SUGCT: variants seen among roughly 807,000 people sequenced by gnomAD.
The protein encoded by SUGCT is succinyl-CoA:glutarate CoA-transferase.
In SUGCT, 41 loss-of-function variants were observed where a neutral mutation model predicts 55.0. That is an observed-to-expected ratio of 0.74 (90% confidence interval 0.58 to 0.97). The LOEUF (loss-of-function observed/expected upper bound fraction) is 0.97, where lower values mean the gene tolerates loss of function less well. Ranked by LOEUF, SUGCT falls within the 50% of genes least tolerant of loss-of-function variation. The pLI, the probability that SUGCT is intolerant of heterozygous loss-of-function variation, is 0.00. For synonymous variants in SUGCT, 187 were observed against 200.4 expected, an observed-to-expected ratio of 0.93 and a Z score of 0.56; for missense variants, 568 against 547.8, an observed-to-expected ratio of 1.04 and a Z score of -0.37.
chr7:40,785,094 AT>A lies in SUGCT; in HGVS notation c.1153+35603del, dbSNP rs1299405552. The stretch of plus-strand genomic sequence containing the variant: ...CCCCTCCAACATTTATACATTTCAT[AT>A]TTTTTACATAAATTTTATCAATGGA... On this transcript the variant is annotated intron_variant, in intron 13 of 13. Transcript: ENST00000335693. 3 of 152,222 alleles carry A rather than the reference AT, an allele frequency of 2.0e-5. 1 individual carries two copies. Among genetic ancestry groups the A allele is most frequent in the South Asian group, 4.2e-4 (2 of 4,814 alleles). The allele number at this position is 152,222 out of a possible 1,614,324, so 9.4% of individuals were successfully genotyped here.
At chr7:40,156,678 T>A (rs1783912958) in intron 1 of SUGCT, among the ~76,000 whole-genome samples, 1 of 152,034 alleles carries the variant, frequency 6.6e-6, no homozygotes, top group African/African-American at 2.4e-5. Flanking sequence ...GCAGAAAGGG[T>A]TTGAAAGCCA....
intron 1 of SUGCT, among the ~76,000 whole-genome samples, chr7:40,139,127 AAAAT>A (rs56301316): frequency 0.49 from 68,557 of 140,174 alleles, 18,150 homozygotes; most frequent in East Asian, 0.71. Flanking sequence ...CTCTGGCTCA[AAAAT>A]AAATAAATAA....
intron 6 of SUGCT, among the ~76,000 whole-genome samples, chr7:40,226,251 A>C (rs1788344472): frequency 6.6e-6 from 1 of 152,218 alleles, no homozygotes; most frequent in Admixed American, 6.5e-5. Context: ...GAAATAAAGC[A>C]AAATGAGGTA....
intron 7 of SUGCT, among the ~76,000 whole-genome samples, chr7:40,268,527 G>A (rs533777684): frequency 2.2e-4 from 33 of 152,030 alleles, no homozygotes; most frequent in Non-Finnish European, 3.8e-4. Context: ...TAGTCCCCAC[G>A]TTATCTGTTA....
At chr7:40,809,114 A>C (rs1563018020) in intron 13 of SUGCT, among the ~76,000 whole-genome samples, 1 of 152,216 alleles carries the variant, frequency 6.6e-6, no homozygotes, top group Middle Eastern at 3.4e-3. Context: ...CTGATTTTCA[A>C]CCCTAGTTCT....
At chr7:40,787,994 A>T (rs557594733) in intron 13 of SUGCT, among the ~76,000 whole-genome samples, 1 of 152,090 alleles carries the variant, frequency 6.6e-6, no homozygotes, top group Non-Finnish European at 1.5e-5. Context: ...CCAGGGGGGA[A>T]AGCCTGGACT....
chr7:40,708,850 C>A (rs915262553), intron 12 of SUGCT, among the ~76,000 whole-genome samples: 1 of 152,082 alleles, frequency 6.6e-6, no homozygotes, highest in African/African-American at 2.4e-5. Context: ...GTATTTCTCA[C>A]CTCTCTATAT....
At chr7:40,191,280 G>A (rs935586195) in intron 5 of SUGCT, among the ~76,000 whole-genome samples, 19 of 152,120 alleles carry the variant, frequency 1.2e-4, no homozygotes, top group African/African-American at 4.6e-4. Context: ...GCCTCTCAAA[G>A]TGCTGGGATT....
chr7:40,307,815 A>T (rs17150936), intron 8 of SUGCT, among the ~76,000 whole-genome samples: 4 of 151,758 alleles, frequency 2.6e-5, no homozygotes, highest in Non-Finnish European at 5.9e-5. Context: ...TTCTGAAAAA[A>T]CTGTTCACCT....
intron 13 of SUGCT, among the ~76,000 whole-genome samples, chr7:40,846,149 G>A (rs1213224220): frequency 1.3e-5 from 2 of 152,140 alleles, no homozygotes; most frequent in Non-Finnish European, 2.9e-5. Flanking sequence ...AAATATTCTG[G>A]CTATAGACTT....
intron 12 of SUGCT, among the ~76,000 whole-genome samples, chr7:40,595,895 A>C (rs1797987830): frequency 6.6e-6 from 1 of 152,206 alleles, no homozygotes; most frequent in African/African-American, 2.4e-5. Flanking sequence ...TATATTCATC[A>C]AAGTTACTGG....
intron 9 of SUGCT, among the ~76,000 whole-genome samples, chr7:40,419,418 A>G (rs915433633): frequency 6.6e-6 from 1 of 152,222 alleles, no homozygotes; most frequent in Admixed American, 6.5e-5. Context: ...AAGGGAAAAA[A>G]TAATTTTGGC....
intron 9 of SUGCT, among the ~76,000 whole-genome samples, chr7:40,421,680 G>C (rs1203508170): frequency 6.6e-6 from 1 of 152,212 alleles, no homozygotes; most frequent in Non-Finnish European, 1.5e-5. Context: ...CTAAATAAAT[G>C]TAAGACTGGT....
At chr7:40,584,133 A>G (rs766874251) in intron 12 of SUGCT, among the ~76,000 whole-genome samples, 3 of 152,190 alleles carry the variant, frequency 2.0e-5, no homozygotes, top group African/African-American at 7.2e-5. Context: ...TCAAGTTAAC[A>G]AAAGTCTGTA....
At chr7:40,165,142 C>T (rs1377048719) in intron 1 of SUGCT, among the ~76,000 whole-genome samples, 3 of 152,190 alleles carry the variant, frequency 2.0e-5, no homozygotes, top group Non-Finnish European at 2.9e-5. Context: ...TGGTTAAATT[C>T]TCTGTAAATC....
rs573280156 is a variant in SUGCT, at chr7:40,197,179, A to C, written c.484+2119A>C. Among the ~76,000 whole-genome samples the C allele has an allele frequency of 2.0e-5, 3 of 152,254 alleles. No homozygotes were observed. The South Asian group carries it at 6.2e-4, about 32-fold the overall frequency. On this transcript the variant is annotated intron_variant, in intron 6 of 13. Transcript: ENST00000335693. ...CTGAATGACAGGTTCTGTACTTGGT[A>C]GATGATTCTTGGCCACTAGATCTCA...
At chr7:40,959,192 G>A in the SUGCT span, among the ~76,000 whole-genome samples, 11 of 152,216 alleles carry the variant, frequency 7.2e-5, no homozygotes, top group Non-Finnish European at 1.3e-4. Context: ...GAGCGTGAGC[G>A]CTGTGCTGGG....
At chr7:40,272,309 T>C (rs1792118740) in intron 7 of SUGCT, among the ~76,000 whole-genome samples, 1 of 149,546 alleles carries the variant, frequency 6.7e-6, no homozygotes, top group Non-Finnish European at 1.5e-5. Context: ...CCCAAGTAGC[T>C]GGTACTAGGG....
chr7:40,665,214 G>A (rs1043508177), intron 12 of SUGCT, among the ~76,000 whole-genome samples: 12 of 151,688 alleles, frequency 7.9e-5, no homozygotes, highest in South Asian at 2.1e-4. Flanking sequence ...TGAGGCGGGC[G>A]GATCACCTGA....
Sources: allele counts gnomAD v4.1 joint callset (sites outside exome capture counted in the v4.1 genomes callset), GRCh38; gene constraint gnomAD v4.1.1; transcripts MANE v1.5; gene names NCBI Gene and HGNC (gene_info 2026-07-23, HGNC 2026-07-21).